The following ZNF618 variants were observed in gnomAD, a reference collection of about 807,000 sequenced individuals.
ZNF618 encodes the protein zinc finger protein 618.
A neutral mutation model predicts 103.0 loss-of-function variants in ZNF618; 34 were observed. The observed-to-expected ratio is 0.33, with a 90% CI of 0.25 to 0.44. The LOEUF (loss-of-function observed/expected upper bound fraction) is 0.44. ZNF618 is among the 20% of genes least tolerant of loss of function. The probability of loss-of-function intolerance (pLI) is 1.00; values close to 1 mark genes in which losing one functional copy is unlikely to be tolerated. For synonymous variants in ZNF618, 551 were observed against 542.2 expected, an observed-to-expected ratio of 1.02 and a Z score of -0.23; for missense variants, 1,059 against 1,295.4, an observed-to-expected ratio of 0.82 and a Z score of 2.80.
chr9:113,917,235 CT>C (rs56300784), intron 1 of ZNF618, among the ~76,000 whole-genome samples: 18,033 of 74,458 alleles, frequency 0.24, 436 homozygotes, highest in Non-Finnish European at 0.27. Flanking sequence ...TCTCTCTATC[CT>C]TTTTTTTTTT....
At chr9:113,968,526 A>G (rs1837644958) in intron 1 of ZNF618, among the ~76,000 whole-genome samples, 1 of 152,088 alleles carries the variant, frequency 6.6e-6, no homozygotes, top group Non-Finnish European at 1.5e-5. Flanking sequence ...GTTTGTTTTC[A>G]TGAGACTTCA....
At chr9:113,947,577 C>G (rs1348389920) in intron 1 of ZNF618, among the ~76,000 whole-genome samples, 2 of 152,190 alleles carry the variant, frequency 1.3e-5, no homozygotes, top group African/African-American at 4.8e-5. Flanking sequence ...GCCTCTGATT[C>G]TTAATGACTG....
At chr9:114,046,747 A>G (rs1160213274) in intron 13 of ZNF618, among the ~76,000 whole-genome samples, 1 of 152,224 alleles carries the variant, frequency 6.6e-6, no homozygotes, top group Non-Finnish European at 1.5e-5. Context: ...TTTATCATGA[A>G]AAAGGTGTTA....
At chr9:113,920,518 C>T (rs760066350) in intron 1 of ZNF618, among the ~76,000 whole-genome samples, 40 of 151,798 alleles carry the variant, frequency 2.6e-4, no homozygotes, top group Admixed American at 6.5e-4. Context: ...TGTCCTGCCT[C>T]GGCCTCCCAC....
At chr9:114,023,318 A>G (rs1273446475) in intron 10 of ZNF618, among the ~76,000 whole-genome samples, 1 of 152,018 alleles carries the variant, frequency 6.6e-6, no homozygotes, top group Non-Finnish European at 1.5e-5. Context: ...TATAATATAC[A>G]TGTTTCATAT....
At chr9:114,020,276 T>TAAA (rs1842963366) in intron 10 of ZNF618, among the ~76,000 whole-genome samples, 1 of 152,184 alleles carries the variant, frequency 6.6e-6, no homozygotes, top group Non-Finnish European at 1.5e-5. Flanking sequence ...TGTTATTTTT[T>TAAA]AAGACTATTT....
chr9:113,892,381 T>C (rs1251759630), intron 1 of ZNF618, among the ~76,000 whole-genome samples: 1 of 152,196 alleles, frequency 6.6e-6, no homozygotes, highest in Non-Finnish European at 1.5e-5. Context: ...AAAAAGTCTG[T>C]ACATGTTCTG....
intron 1 of ZNF618, among the ~76,000 whole-genome samples, chr9:113,884,793 A>T (rs1202311684): frequency 2.0e-5 from 3 of 151,788 alleles, no homozygotes; most frequent in Non-Finnish European, 4.4e-5. Flanking sequence ...AGAGAGAGAG[A>T]GAGAGAGAGA....
At chr9:113,897,903 C>G (rs889755492) in intron 1 of ZNF618, among the ~76,000 whole-genome samples, 1 of 152,176 alleles carries the variant, frequency 6.6e-6, no homozygotes, top group African/African-American at 2.4e-5. Flanking sequence ...AAGCAATTCT[C>G]CTGATTAGCC....
At chr9:113,991,737 G>C (rs1187213589) in intron 3 of ZNF618, among the ~76,000 whole-genome samples, 1 of 152,206 alleles carries the variant, frequency 6.6e-6, no homozygotes, top group African/African-American at 2.4e-5. Context: ...CTGGGAACTG[G>C]ACTGGGAAAC....
At chr9:113,989,404 A>G (rs1301062258) in intron 3 of ZNF618, among the ~76,000 whole-genome samples, 1 of 152,226 alleles carries the variant, frequency 6.6e-6, no homozygotes, top group Non-Finnish European at 1.5e-5. Context: ...TAAATGTTGC[A>G]ACCAATTGAC....
intron 13 of ZNF618, among the ~76,000 whole-genome samples, chr9:114,038,337 C>T (rs1844813128): frequency 6.6e-6 from 1 of 152,292 alleles, no homozygotes; most frequent in South Asian, 2.1e-4. Flanking sequence ...TTGAGGTGGC[C>T]CCACCTCTCC....
At position 113,876,428 on chromosome 9, in the gene ZNF618, C is replaced by CG; in HGVS notation, c.33+20dup. 1 of 1,200,486 alleles carries CG rather than the reference C, an allele frequency of 8.3e-7. No homozygotes were observed. The highest frequency in any genetic ancestry group is 1.0e-6 in the Non-Finnish European group (1 of 968,120). 74.4% of individuals were successfully genotyped at this position (1,200,486 alleles called of 1,614,324 possible). A position where few individuals can be genotyped will look rare whatever the true frequency, so the allele number is the denominator to read the frequency against. ...CGGCTCCGCAGGTACGACGGGGGGC[C>CG]GGGGGCATGCACCGCGCGGGGGACC... is the stretch of plus-strand genomic sequence containing the variant. On this transcript the variant is annotated intron_variant, in intron 1 of 14. Transcript: ENST00000374126.
chr9:113,983,132 A>T (rs555893202), intron 2 of ZNF618, among the ~76,000 whole-genome samples: 1 of 152,292 alleles, frequency 6.6e-6, no homozygotes, highest in African/African-American at 2.4e-5. Context: ...GTGCTTTTTC[A>T]CTAATATACC....
At position 113,988,593 on chromosome 9, in the gene ZNF618, C is replaced by T. The variant is rs377325887; in HGVS notation, c.337+13C>T. ...CAGCAGACCCTTGGTGAGTGCCCAGCGTCTGTGGTCAGGGTGGAGACCAGG... is the reference window on the plus strand; with the variant it reads ...CAGCAGACCCTTGGTGAGTGCCCAGTGTCTGTGGTCAGGGTGGAGACCAGG... On this transcript the variant is annotated intron_variant, in intron 3 of 14. Coordinates refer to ENST00000374126, the MANE Select transcript of ZNF618 (RefSeq NM_001318042.2). 79 of 1,596,976 alleles carry T rather than the reference C, an allele frequency of 4.9e-5. No homozygotes were observed. The African/African-American group carries it at 6.9e-4, about 14-fold the overall frequency.
intron 1 of ZNF618, among the ~76,000 whole-genome samples, chr9:113,884,836 A>G (rs1587926617): frequency 6.6e-6 from 1 of 151,646 alleles, no homozygotes; most frequent in East Asian, 1.9e-4. Flanking sequence ...GGCCTTGGGA[A>G]GAAGGTGGAG....
intron 1 of ZNF618, among the ~76,000 whole-genome samples, chr9:113,961,334 T>C (rs1450552815): frequency 1.3e-5 from 2 of 152,240 alleles, no homozygotes; most frequent in South Asian, 2.1e-4. Flanking sequence ...TCCCCAGTAA[T>C]TATTTTAGTT....
intron 2 of ZNF618, 127 bp downstream of exon 2, chr9:113,969,287 C>T: frequency 8.7e-7 from 1 of 1,151,788 alleles, no homozygotes; most frequent in South Asian, 1.3e-5. Context: ...CCCTCCTTGG[C>T]AAGAAGTATC....
chr9:113,885,042 G>C (rs1311246603), intron 1 of ZNF618, among the ~76,000 whole-genome samples: 2 of 152,204 alleles, frequency 1.3e-5, no homozygotes, highest in Non-Finnish European at 2.9e-5. Flanking sequence ...CCTTGGGGTT[G>C]TCATCAAAGC....
Sources: gnomAD v4.1 joint callset for allele counts (sites outside exome capture counted in the v4.1 genomes callset) on GRCh38, gnomAD v4.1.1 for gene constraint, MANE v1.5 for transcripts, NCBI Gene and HGNC (gene_info 2026-07-23, HGNC 2026-07-21) for gene names.